Variants in LDB3 observed in about 807,000 individuals in gnomAD.
The protein encoded by LDB3 is LIM domain binding 3, also known as LIM domain-binding protein 3.
Under a neutral mutation model 69.0 loss-of-function variants are expected in LDB3, and 49 were observed. That is an observed-to-expected ratio of 0.71 (90% CI 0.56 to 0.90). The LOEUF (loss-of-function observed/expected upper bound fraction) is 0.90, where lower values mean the gene tolerates loss of function less well. Among genes scored for constraint, LDB3 ranks in the 40% least tolerant of loss-of-function variants. LDB3 has a pLI of 0.00. For missense variants in LDB3, 928 were observed against 974.1 expected, an observed-to-expected ratio of 0.95 and a Z score of 0.63; for synonymous variants, 387 against 396.2, an observed-to-expected ratio of 0.98 and a Z score of 0.28.
At chr10:86,723,314 A>T (rs1302095289) in intron 12 of LDB3, among the ~76,000 whole-genome samples, 3 of 146,566 alleles carry the variant, frequency 2.0e-5, no homozygotes, top group African/African-American at 7.5e-5. Context: ...GGATGAATGG[A>T]TAGGATGCAT....
chr10:86,716,340 C>T lies in LDB3; in HGVS notation c.1245C>T (p.Thr415=), dbSNP rs1315817435. Residue 415 remains threonine, a synonymous_variant, in exon 10 of 14, where the codon ACC becomes ACT. Coordinates refer to ENST00000361373, the MANE Select transcript of LDB3 (RefSeq NM_007078.3). ...TGGCTTTTGCAGTGCCTGCATCTAC[C>T]TACAGCCCGTCCCCAGGGGCCAATT... The part of the protein sequence containing the change: ...PSVYQPVPAS[T]YSPSPGANYS... 1.2e-6 allele frequency: 2 copies of T among 1,611,508 alleles called. No homozygotes were observed. Among genetic ancestry groups the T allele is most frequent in the African/African-American group, 1.3e-5 (1 of 74,724 alleles).
chr10:86,689,728 G>T (rs1845671403), intron 5 of LDB3, among the ~76,000 whole-genome samples: 1 of 152,210 alleles, frequency 6.6e-6, no homozygotes, highest in African/African-American at 2.4e-5. Flanking sequence ...GCAGGAGCCA[G>T]TGCCTGCCAT....
intron 12 of LDB3, among the ~76,000 whole-genome samples, chr10:86,725,334 C>CACAAA (rs770489250): frequency 1.3e-5 from 2 of 152,164 alleles, no homozygotes; most frequent in Non-Finnish European, 2.9e-5. Flanking sequence ...TTTTCTCATC[C>CACAAA]ACAAAACAAA....
intron 5 of LDB3, among the ~76,000 whole-genome samples, chr10:86,689,868 T>C (rs1845677691): frequency 2.6e-5 from 4 of 152,116 alleles, no homozygotes; most frequent in Admixed American, 1.3e-4. Context: ...TGAAAGTGGG[T>C]CCAGAGAGTG....
At chr10:86,710,177 C>T in intron 9 of LDB3, 127 bp downstream of exon 9, 1 of 1,528,714 alleles carries the variant, frequency 6.5e-7, no homozygotes, top group Non-Finnish European at 8.8e-7. Context: ...GCTAATGATG[C>T]TCCGCCCTCC....
Position 86,718,801 on chromosome 10 carries a change from G to A in LDB3, c.1932G>A (p.Gly644=). ...FVCAACKKPF[G]NSLFHMEDGE... ...GTGCGGCCTGCAAGAAGCCTTTTGG[G>A]AACAGCCTCTTCCACATGGAAGACG... The change falls in exon 12 of 14, where the codon GGG becomes GGA. Residue 644 remains glycine (G), a synonymous_variant. Coordinates refer to ENST00000361373, the MANE Select transcript of LDB3 (RefSeq NM_007078.3). The A allele has an allele frequency of 6.2e-7, 1 of 1,614,172 alleles. No homozygotes were observed. The highest frequency in any genetic ancestry group is 8.5e-7 in the Non-Finnish European group (1 of 1,180,022).
intron 5 of LDB3, among the ~76,000 whole-genome samples, chr10:86,689,097 G>T (rs898393712): frequency 6.6e-6 from 1 of 152,050 alleles, no homozygotes; most frequent in African/African-American, 2.4e-5. Context: ...AATTTCCGTG[G>T]TTCCTTCCTC....
intron 5 of LDB3, among the ~76,000 whole-genome samples, chr10:86,685,877 C>G (rs982579605): frequency 6.6e-6 from 1 of 152,088 alleles, no homozygotes; most frequent in Non-Finnish European, 1.5e-5. Flanking sequence ...GGAGTAGAAG[C>G]ATTTGGGGGT....
At position 86,733,091 on chromosome 10, in the gene LDB3, G is replaced by C. The variant is rs1414609798; in HGVS notation, c.*115G>C. ...GAATGGGGAGAGAGAGGAAGCGACT[G>C]AGCCCTTTGGAAGTATAATTTTAGG... On this transcript the variant is annotated 3_prime_UTR_variant, in exon 14 of 14. Coordinates refer to ENST00000361373, the MANE Select transcript of LDB3 (RefSeq NM_007078.3). 2.6e-6 allele frequency: 2 copies of C among 758,286 alleles called. No individual in the cohort carries two copies. The highest frequency in any genetic ancestry group is 1.7e-5 in the African/African-American group (1 of 57,324). The allele number at this position is 758,286 out of a possible 1,614,324, so 47.0% of individuals were successfully genotyped here. A position where few individuals can be genotyped will look rare whatever the true frequency, so the allele number is the denominator to read the frequency against.
chr10:86,671,658 T>A (rs1349841933), intron 2 of LDB3, among the ~76,000 whole-genome samples: 1 of 152,212 alleles, frequency 6.6e-6, no homozygotes, highest in South Asian at 2.1e-4. Flanking sequence ...CCCTGGCAGC[T>A]GGCCAGAGGC....
chr10:86,682,063 C>T (rs537640630), intron 5 of LDB3, among the ~76,000 whole-genome samples: 27 of 152,306 alleles, frequency 1.8e-4, no homozygotes, highest in Non-Finnish European at 3.2e-4. Context: ...AGTCACAGTC[C>T]GTTTGTCCAG....
chr10:86,705,390 C>T (rs1846404493), intron 7 of LDB3, among the ~76,000 whole-genome samples: 1 of 152,198 alleles, frequency 6.6e-6, no homozygotes, highest in Non-Finnish European at 1.5e-5. Context: ...GAGTCATTCC[C>T]ACTTGCAGAA....
chr10:86,704,943 C>T (rs965751503), intron 7 of LDB3, among the ~76,000 whole-genome samples: 2 of 151,948 alleles, frequency 1.3e-5, no homozygotes, highest in Non-Finnish European at 2.9e-5. Context: ...CTCGAACTCC[C>T]GACCTCAGGT....
At chr10:86,682,276 C>T (rs192396053) in intron 5 of LDB3, among the ~76,000 whole-genome samples, 15 of 152,256 alleles carry the variant, frequency 9.9e-5, no homozygotes, top group Non-Finnish European at 1.5e-4. Context: ...TAGGAATAGT[C>T]TGGGAAGCTG....
chr10:86,700,970 C>T (rs913041787), intron 7 of LDB3, among the ~76,000 whole-genome samples: 1 of 152,226 alleles, frequency 6.6e-6, no homozygotes, highest in Non-Finnish European at 1.5e-5. Context: ...CAGAGCTCTG[C>T]GCCCATTCCT....
chr10:86,712,063 C>T (rs1433232004), intron 9 of LDB3, among the ~76,000 whole-genome samples: 1 of 152,118 alleles, frequency 6.6e-6, no homozygotes, highest in East Asian at 1.9e-4. Flanking sequence ...TGACGGCGAG[C>T]CAGGCTGAAG....
chr10:86,686,130 T>C (rs3802663), intron 5 of LDB3, among the ~76,000 whole-genome samples: 93,548 of 151,902 alleles, frequency 0.62, 30,751 homozygotes, highest in Non-Finnish European at 0.76. Context: ...GAGCCTCCTG[T>C]GGGTAGAGGA....
chr10:86,730,029 C>A (rs181248431), intron 13 of LDB3, among the ~76,000 whole-genome samples: 120 of 152,294 alleles, frequency 7.9e-4, no homozygotes, highest in Middle Eastern at 3.4e-3. Flanking sequence ...TCCACACGAG[C>A]CTGGTTATAC....
chr10:86,667,970 G>A (rs954092828), upstream of LDB3, among the ~76,000 whole-genome samples: 10 of 152,144 alleles, frequency 6.6e-5, no homozygotes, highest in Non-Finnish European at 8.8e-5. Context: ...TGTCTCCTGC[G>A]GGCCCAGGTG....
Sources: gnomAD v4.1 joint callset for allele counts (sites outside exome capture counted in the v4.1 genomes callset) on GRCh38, gnomAD v4.1.1 for gene constraint, MANE v1.5 for transcripts, NCBI Gene and HGNC (gene_info 2026-07-23, HGNC 2026-07-21) for gene names.